Variants in CSMD1 observed in about 807,000 individuals in gnomAD.
CSMD1 encodes the protein CUB and sushi domain-containing protein 1.
A neutral mutation model predicts 417.5 loss-of-function variants in CSMD1; 213 were observed. The observed-to-expected ratio is 0.51, with a 90% CI of 0.46 to 0.57. The LOEUF (loss-of-function observed/expected upper bound fraction) is 0.57, where lower values mean the gene tolerates loss of function less well. CSMD1 is among the 20% of genes least tolerant of loss of function. The pLI is 0.00. For missense variants in CSMD1, 6,923 were observed against 4,529.7 expected (o/e 1.53, Z -15.17); for synonymous variants, 2,862 against 1,736.8 (o/e 1.65, Z -16.11).
intron 3 of CSMD1, among the ~76,000 whole-genome samples, chr8:4,061,197 C>T (rs1419042132): frequency 4.6e-5 from 7 of 152,146 alleles, no homozygotes; most frequent in Non-Finnish European, 1.0e-4. Context: ...CTAACATGAG[C>T]CCTTTTAGGA....
chr8:3,351,608 AAAAAAGAAAAG>A (rs1563300614), intron 21 of CSMD1, among the ~76,000 whole-genome samples: 1 of 150,740 alleles, frequency 6.6e-6, no homozygotes, highest in Non-Finnish European at 1.5e-5. Flanking sequence ...CAAAAAAAAA[AAAAAAGAAAAG>A]AAAAGAAAGG....
intron 2 of CSMD1, among the ~76,000 whole-genome samples, chr8:4,571,744 A>G (rs538935211): frequency 7.5e-4 from 114 of 152,254 alleles, no homozygotes; most frequent in African/African-American, 2.6e-3. Context: ...CTCTCCCACT[A>G]TTATTGTGTG....
intron 2 of CSMD1, among the ~76,000 whole-genome samples, chr8:4,636,203 G>A (rs1327894091): frequency 6.6e-6 from 1 of 151,940 alleles, no homozygotes; most frequent in Non-Finnish European, 1.5e-5. Context: ...AGTTAATTTT[G>A]TTAGGAAAAT....
intron 5 of CSMD1, among the ~76,000 whole-genome samples, chr8:3,860,354 G>T (rs1415094842): frequency 2.6e-5 from 4 of 151,980 alleles, no homozygotes; most frequent in Non-Finnish European, 5.9e-5. Context: ...GGCAATTTCA[G>T]TTCATTTTTA....
At chr8:2,949,254 G>T in intron 68 of CSMD1, 45 bp downstream of exon 68, 2 of 1,073,138 alleles carry the variant, frequency 1.9e-6, no homozygotes, top group Non-Finnish European at 2.8e-6. Context: ...TCATTGGAAA[G>T]CCAAACTGAT....
chr8:4,164,643 C>A (rs1017326354), intron 3 of CSMD1, among the ~76,000 whole-genome samples: 6 of 151,900 alleles, frequency 3.9e-5, no homozygotes, highest in African/African-American at 1.5e-4. Flanking sequence ...TGATTGAGTC[C>A]CTCACACAAG....
intron 3 of CSMD1, among the ~76,000 whole-genome samples, chr8:4,183,818 A>C (rs75752092): frequency 1.3e-5 from 2 of 152,190 alleles, no homozygotes; most frequent in East Asian, 3.9e-4. Flanking sequence ...AGTACTTATT[A>C]AATGTCTCCC....
chr8:3,885,729 T>C (rs1339857872), intron 5 of CSMD1, among the ~76,000 whole-genome samples: 1 of 152,144 alleles, frequency 6.6e-6, no homozygotes, highest in Non-Finnish European at 1.5e-5. Context: ...CACTCAGGAA[T>C]ATCAGCCCCT....
chr8:4,714,140 G>C (rs548411812), intron 1 of CSMD1, among the ~76,000 whole-genome samples: 24 of 151,818 alleles, frequency 1.6e-4, no homozygotes, highest in Admixed American at 4.6e-4. Context: ...ACGCGACTCT[G>C]TCTCAAAAAG....
At chr8:3,769,907 A>G (rs562716662) in intron 5 of CSMD1, among the ~76,000 whole-genome samples, 7 of 152,332 alleles carry the variant, frequency 4.6e-5, no homozygotes, top group African/African-American at 1.7e-4. Flanking sequence ...ACTTTTGAGA[A>G]ATGCCTATTG....
chr8:3,656,338 G>C (rs1798104013), intron 7 of CSMD1, among the ~76,000 whole-genome samples: 1 of 152,156 alleles, frequency 6.6e-6, no homozygotes, highest in Non-Finnish European at 1.5e-5. Flanking sequence ...TACTTTCCTA[G>C]AAAAGCTTTC....
intron 50 of CSMD1, among the ~76,000 whole-genome samples, chr8:3,035,090 G>A (rs1585196926): frequency 3.3e-5 from 5 of 152,160 alleles, no homozygotes; most frequent in African/African-American, 1.2e-4. Context: ...AACAGCCTGA[G>A]TACCTCTGTG....
At chr8:4,769,396 G>A (rs1309870360) in intron 1 of CSMD1, among the ~76,000 whole-genome samples, 1 of 152,078 alleles carries the variant, frequency 6.6e-6, no homozygotes, top group Non-Finnish European at 1.5e-5. Flanking sequence ...GCAAACAAGT[G>A]CAATTTTACT....
At chr8:4,156,881 C>A (rs1482718834) in intron 3 of CSMD1, among the ~76,000 whole-genome samples, 2 of 152,188 alleles carry the variant, frequency 1.3e-5, no homozygotes, top group South Asian at 4.1e-4. Context: ...TCTCCTCATA[C>A]ATAAAATGGA....
intron 3 of CSMD1, among the ~76,000 whole-genome samples, chr8:4,312,756 C>T (rs1024864954): frequency 3.3e-5 from 5 of 152,048 alleles, no homozygotes; most frequent in African/African-American, 1.2e-4. Flanking sequence ...TACCTGTAAT[C>T]CCAGCTACTC....
At chr8:4,161,832 G>A (rs1023755304) in intron 3 of CSMD1, among the ~76,000 whole-genome samples, 4 of 152,114 alleles carry the variant, frequency 2.6e-5, no homozygotes, top group South Asian at 2.1e-4. Flanking sequence ...TATATGATAT[G>A]TCACTGCATT....
At chr8:3,572,990 CTAGT>C in intron 10 of CSMD1, among the ~76,000 whole-genome samples, 1 of 151,594 alleles carries the variant, frequency 6.6e-6, no homozygotes, top group Non-Finnish European at 1.5e-5. Flanking sequence ...TATCAATAAA[CTAGT>C]TATATACTAT....
At chr8:3,483,443 G>T (rs898319908) in intron 11 of CSMD1, among the ~76,000 whole-genome samples, 1 of 151,722 alleles carries the variant, frequency 6.6e-6, no homozygotes, top group Non-Finnish European at 1.5e-5. Flanking sequence ...AGATAAAACA[G>T]ACAATCTAAA....
chr8:4,115,778 T>G (rs191122204), intron 3 of CSMD1, among the ~76,000 whole-genome samples: 1 of 151,842 alleles, frequency 6.6e-6, no homozygotes, highest in Non-Finnish European at 1.5e-5. Context: ...TATCAAGCCA[T>G]GAAAAGTCAT....
Sources: gnomAD v4.1 joint callset for allele counts (sites outside exome capture counted in the v4.1 genomes callset) on GRCh38, gnomAD v4.1.1 for gene constraint, MANE v1.5 for transcripts, NCBI Gene and HGNC (gene_info 2026-07-23, HGNC 2026-07-21) for gene names.